Variants in NDST4 observed in about 807,000 individuals in gnomAD.
The protein encoded by NDST4 is N-heparan sulfate sulfotransferase 4.
A neutral mutation model predicts 100.8 loss-of-function variants in NDST4; 63 were observed. The observed-to-expected ratio is 0.62, with a 90% CI of 0.51 to 0.77. The LOEUF is 0.77. Among genes scored for constraint, NDST4 ranks in the 30% least tolerant of loss-of-function variants. The probability of loss-of-function intolerance (pLI) is 0.00; values close to 1 mark genes in which losing one functional copy is unlikely to be tolerated. For synonymous variants in NDST4, 377 were observed against 361.8 expected (o/e 1.04, Z -0.48); for missense variants, 943 against 1,018.4 (o/e 0.93, Z 1.01).
chr4:115,013,346 C>CATATATAT (rs200801455), intron 2 of NDST4, among the ~76,000 whole-genome samples: 1,879 of 65,302 alleles, frequency 0.029, 112 homozygotes, highest in East Asian at 0.12. Flanking sequence ...ATATAAATAC[C>CATATATAT]ATATATATAT....
At chr4:114,899,062 A>G (rs1724778584) in intron 6 of NDST4, among the ~76,000 whole-genome samples, 1 of 152,152 alleles carries the variant, frequency 6.6e-6, no homozygotes, top group South Asian at 2.1e-4. Flanking sequence ...TACAATGTTC[A>G]AAGAGTGTGG....
chr4:115,082,500 G>T (rs1013606614), intron 1 of NDST4, among the ~76,000 whole-genome samples: 2 of 152,118 alleles, frequency 1.3e-5, no homozygotes, highest in Non-Finnish European at 2.9e-5. Flanking sequence ...TTGCATATAC[G>T]TGTGGTTGTT....
At chr4:115,047,393 A>T (rs1055736056) in intron 2 of NDST4, among the ~76,000 whole-genome samples, 1 of 152,134 alleles carries the variant, frequency 6.6e-6, no homozygotes, top group Non-Finnish European at 1.5e-5. Context: ...TACCAAAAGA[A>T]TACCATGGGT....
At chr4:114,931,770 A>G (rs973851846) in intron 6 of NDST4, among the ~76,000 whole-genome samples, 1 of 151,910 alleles carries the variant, frequency 6.6e-6, no homozygotes, top group African/African-American at 2.4e-5. Flanking sequence ...CCAGAAAGAT[A>G]CAATTTACCA....
intron 6 of NDST4, among the ~76,000 whole-genome samples, chr4:114,900,954 GCTAT>G (rs760150438): frequency 2.0e-5 from 3 of 151,890 alleles, no homozygotes; most frequent in Admixed American, 6.6e-5. Flanking sequence ...GGGTTTTCTA[GCTAT>G]CTTTCTATTA....
intron 2 of NDST4, among the ~76,000 whole-genome samples, chr4:115,003,030 A>T (rs1727331756): frequency 6.6e-6 from 1 of 152,176 alleles, no homozygotes; most frequent in Non-Finnish European, 1.5e-5. Context: ...TTGAACAATG[A>T]GAATACATGG....
intron 2 of NDST4, among the ~76,000 whole-genome samples, chr4:114,977,901 C>A (rs1247877787): frequency 2.0e-5 from 3 of 151,880 alleles, no homozygotes; most frequent in Admixed American, 6.6e-5. Flanking sequence ...CTAAATGTGA[C>A]AAACATTTCC....
At chr4:114,920,327 T>A (rs1383605130) in intron 6 of NDST4, among the ~76,000 whole-genome samples, 2 of 152,148 alleles carry the variant, frequency 1.3e-5, no homozygotes, top group Non-Finnish European at 2.9e-5. Context: ...TAGATTTGAT[T>A]TCTTGAGCAA....
Position 114,960,617 on chromosome 4 carries a change from G to A in NDST4, c.1221+9813C>T, listed in dbSNP as rs62315271. Among the ~76,000 whole-genome samples the A allele has an allele frequency of 2.4e-3, 372 of 152,030 alleles. 2 individuals are homozygous for A. The highest frequency in any genetic ancestry group is 8.5e-3 in the East Asian group (44 of 5,182). On this transcript the variant is annotated intron_variant, in intron 4 of 13. Transcript: ENST00000264363. ...AGGTAATTACGTATTTATGGAAGAC[G>A]GTATATATATTTCTTTTCTCTTCTC...
intron 2 of NDST4, among the ~76,000 whole-genome samples, chr4:115,034,251 T>C (rs1417139184): frequency 2.0e-5 from 3 of 152,078 alleles, no homozygotes; most frequent in Non-Finnish European, 2.9e-5. Flanking sequence ...TCCTGAGACA[T>C]CCACTGGTTG....
chr4:115,008,521 T>C lies in NDST4; in HGVS notation c.979-31247A>G, dbSNP rs570842608. On this transcript the variant is annotated intron_variant, in intron 2 of 13. Transcript: ENST00000264363. The stretch of plus-strand genomic sequence containing the variant: ...TTTAAAACTCTCAATAAATTAGGTA[T>C]TGATGGGACATATCTCAAAATAATA... Among the ~76,000 whole-genome samples, 5 of 128,376 alleles carry C rather than the reference T, an allele frequency of 3.9e-5. 2 individuals are homozygous for C. Among genetic ancestry groups the C allele is most frequent in the Non-Finnish European group, 8.3e-5 (5 of 60,234 alleles). 84.2% of individuals were successfully genotyped at this position (128,376 alleles called of 152,430 possible). A position where few individuals can be genotyped will look rare whatever the true frequency, so the allele number is the denominator to read the frequency against.
chr4:114,963,235 G>C (rs1726303140), intron 4 of NDST4, among the ~76,000 whole-genome samples: 1 of 152,068 alleles, frequency 6.6e-6, no homozygotes, highest in African/African-American at 2.4e-5. Context: ...CATACAATGA[G>C]ACATTATTTG....
intron 2 of NDST4, among the ~76,000 whole-genome samples, chr4:115,064,807 T>C (rs947627260): frequency 6.6e-6 from 1 of 152,128 alleles, no homozygotes; most frequent in African/African-American, 2.4e-5. Flanking sequence ...CTTTGATATA[T>C]TTCTATTTAG....
intron 4 of NDST4, among the ~76,000 whole-genome samples, chr4:114,950,239 G>A (rs1725961048): frequency 6.6e-6 from 1 of 151,888 alleles, no homozygotes. Context: ...GAGCCAAATC[G>A]ATTTATTATT....
intron 1 of NDST4, among the ~76,000 whole-genome samples, chr4:115,113,195 G>T (rs563505923): frequency 6.6e-6 from 1 of 151,938 alleles, no homozygotes; most frequent in Non-Finnish European, 1.5e-5. Context: ...TTATCAAGTT[G>T]TATCTCTTTT....
At chr4:114,934,614 C>T (rs1238161010) in intron 6 of NDST4, among the ~76,000 whole-genome samples, 1 of 150,730 alleles carries the variant, frequency 6.6e-6, no homozygotes, top group Non-Finnish European at 1.5e-5. Context: ...ACTCATAGAT[C>T]CAGAGAGTAG....
intron 1 of NDST4, among the ~76,000 whole-genome samples, chr4:115,089,379 T>C (rs1729469382): frequency 4.6e-5 from 3 of 64,756 alleles, no homozygotes; most frequent in South Asian, 3.2e-4. Flanking sequence ...AGCACAAAAA[T>C]GTAGGATCTT....
At chr4:115,098,428 A>G (rs1729663648) in intron 1 of NDST4, among the ~76,000 whole-genome samples, 1 of 152,196 alleles carries the variant, frequency 6.6e-6, no homozygotes, top group African/African-American at 2.4e-5. Flanking sequence ...GTTAATAATT[A>G]GTTACAATAG....
chr4:114,868,345 A>G (rs192311822), intron 7 of NDST4, among the ~76,000 whole-genome samples: 28 of 152,286 alleles, frequency 1.8e-4, no homozygotes, highest in African/African-American at 6.3e-4. Context: ...TTCATATTTT[A>G]TAGAGAAAAG....
Sources: gnomAD v4.1 joint callset for allele counts (sites outside exome capture counted in the v4.1 genomes callset) on GRCh38, gnomAD v4.1.1 for gene constraint, MANE v1.5 for transcripts, NCBI Gene and HGNC (gene_info 2026-07-23, HGNC 2026-07-21) for gene names.